The following ATP9A variants were observed in gnomAD, a reference collection of about 807,000 sequenced individuals.
ATP9A encodes ATPase phospholipid transporting 9A.
Under a neutral mutation model 144.1 loss-of-function variants are expected in ATP9A, and 52 were observed. The observed-to-expected ratio is 0.36, with a 90% CI of 0.29 to 0.45. The LOEUF is 0.45. Among genes scored for constraint, ATP9A ranks in the 20% least tolerant of loss-of-function variants. The pLI is 1.00. For missense variants in ATP9A, 947 were observed against 1,392.7 expected (o/e 0.68, Z 5.09); for synonymous variants, 582 against 557.4 (o/e 1.04, Z -0.62).
chr20:51,635,758 GAAGAGAAAAGAA>G (rs1162163447), intron 15 of ATP9A, among the ~76,000 whole-genome samples: 1 of 124,842 alleles, frequency 8.0e-6, no homozygotes, highest in Non-Finnish European at 1.8e-5. Context: ...AGGAAAAAGA[GAAGAGAAAAGAA>G]AAGAGAAAAG....
intron 1 of ATP9A, among the ~76,000 whole-genome samples, chr20:51,732,106 T>G (rs528820656): frequency 6.6e-6 from 1 of 152,106 alleles, no homozygotes; most frequent in South Asian, 2.1e-4. Flanking sequence ...CACTCCCAGG[T>G]CACCCTCCCA....
intron 1 of ATP9A, among the ~76,000 whole-genome samples, chr20:51,750,946 G>A (rs1292435599): frequency 6.6e-6 from 1 of 152,198 alleles, no homozygotes; most frequent in African/African-American, 2.4e-5. Flanking sequence ...GCACTGCTAT[G>A]GGAGCGTCCA....
In ATP9A at chr20:51,746,482, T is replaced by C. The variant is rs189863284; in HGVS notation, c.69-16504A>G. ...GGGAAGCCGAGGCAGGCGGATCACC[T>C]GAGGTCAGGAGTTCAGGACCAGCCT... On this transcript the variant is annotated intron_variant, in intron 1 of 27. Coordinates refer to ENST00000338821, the MANE Select transcript of ATP9A (RefSeq NM_006045.3). Among the ~76,000 whole-genome samples the C allele has an allele frequency of 6.8e-4, 103 of 150,730 alleles. No individual in the cohort carries two copies. In the Middle Eastern group the frequency reaches 0.021, roughly 30 times the overall value.
intron 1 of ATP9A, among the ~76,000 whole-genome samples, chr20:51,758,668 T>C (rs1280072046): frequency 6.6e-6 from 1 of 152,130 alleles, no homozygotes; most frequent in Non-Finnish European, 1.5e-5. Context: ...GGCTTATGCT[T>C]GTAATCCCAG....
chr20:51,696,250 A>AG, intron 5 of ATP9A, 106 bp from the exon 6 acceptor site: 3 of 862,602 alleles, frequency 3.5e-6, no homozygotes, highest in Non-Finnish European at 5.6e-6. Context: ...GGGTTGGGGC[A>AG]GGGGGGACTG....
At chr20:51,700,839 G>C (rs966732503) in intron 4 of ATP9A, among the ~76,000 whole-genome samples, 1 of 152,116 alleles carries the variant, frequency 6.6e-6, no homozygotes, top group African/African-American at 2.4e-5. Flanking sequence ...TCAAAAAATA[G>C]AAAACAGAGA....
At chr20:51,626,817 G>T (rs2077250902) in intron 17 of ATP9A, among the ~76,000 whole-genome samples, 3 of 152,042 alleles carry the variant, frequency 2.0e-5, no homozygotes, top group African/African-American at 7.2e-5. Flanking sequence ...TGCACTTTGG[G>T]AGGCCAAGGC....
intron 14 of ATP9A, among the ~76,000 whole-genome samples, chr20:51,648,588 T>C (rs1454610364): frequency 6.6e-6 from 1 of 152,168 alleles, no homozygotes; most frequent in African/African-American, 2.4e-5. Flanking sequence ...TCCAGCACTC[T>C]GGGAGGCTGA....
At position 51,642,726 on chromosome 20, in the gene ATP9A, C is replaced by CAAAAAAAAA. The variant is rs778440862; in HGVS notation, c.1507-3231_1507-3223dup. On this transcript the variant is annotated intron_variant, in intron 14 of 27. Transcript: ENST00000338821. ...GGGTGACTGAGTGAGACTCTGTCTC[C>CAAAAAAAAA]AAAAAAAAAAAAAAAAAAAAAAAAA... 1.5e-3 allele frequency among the ~76,000 whole-genome samples: 48 copies of CAAAAAAAAA among 31,138 alleles called. 4 individuals carry two copies. Among genetic ancestry groups the CAAAAAAAAA allele is most frequent in the African/African-American group, 1.9e-3 (21 of 11,180 alleles). 20.4% of individuals were successfully genotyped at this position (31,138 alleles called of 152,430 possible).
chr20:51,634,584 T>C (rs1391346484), intron 15 of ATP9A, among the ~76,000 whole-genome samples: 1 of 152,010 alleles, frequency 6.6e-6, no homozygotes, highest in Non-Finnish European at 1.5e-5. Flanking sequence ...GGGCCGAGCG[T>C]GGCGGCTCAC....
intron 22 of ATP9A, among the ~76,000 whole-genome samples, chr20:51,617,044 C>T (rs1280252810): frequency 2.0e-5 from 3 of 150,618 alleles, no homozygotes; most frequent in Non-Finnish European, 2.9e-5. Flanking sequence ...CGGGTTCAGG[C>T]GATTCTCCTA....
In ATP9A at chr20:51,617,475, G is replaced by C; in HGVS notation, c.2415+15C>G. ...ACTACAGCAAGTGGAGCCGAGCAGA[G>C]GGAAACACTCTCACCTTTCCTTCCA... On this transcript the variant is annotated intron_variant, in intron 22 of 27. Coordinates refer to ENST00000338821, the MANE Select transcript of ATP9A (RefSeq NM_006045.3). 6.2e-7 allele frequency: 1 copy of C among 1,606,156 alleles called. No homozygotes were observed. Among genetic ancestry groups the C allele is most frequent in the South Asian group, 1.1e-5 (1 of 89,254 alleles).
rs141106227 is a variant in ATP9A, at chr20:51,635,529, G to A, written c.1668+3814C>T. On this transcript the variant is annotated intron_variant, in intron 15 of 27. Transcript: ENST00000338821. The stretch of plus-strand genomic sequence containing the variant: ...GAGATGGGAGGATCATTTGAGCCCA[G>A]GAGTTTGAGATCAGCCTGGGCAATA... Among the ~76,000 whole-genome samples, 1,047 of 152,112 alleles carry A rather than the reference G, an allele frequency of 6.9e-3. 11 individuals are homozygous for A. Among genetic ancestry groups the A allele is most frequent in the African/African-American group, 0.024 (998 of 41,496 alleles).
chr20:51,609,341 C>G (rs957399769), intron 24 of ATP9A, among the ~76,000 whole-genome samples: 13 of 152,172 alleles, frequency 8.5e-5, no homozygotes, highest in African/African-American at 3.1e-4. Context: ...TCAGGCTGAA[C>G]TCATCAGCCA....
intron 7 of ATP9A, among the ~76,000 whole-genome samples, chr20:51,693,049 G>C (rs2077554975): frequency 6.6e-6 from 1 of 152,150 alleles, no homozygotes; most frequent in African/African-American, 2.4e-5. Flanking sequence ...CCACAGTGGG[G>C]CATGCCACTC....
intron 14 of ATP9A, among the ~76,000 whole-genome samples, chr20:51,642,759 A>C (rs1386923684): frequency 5.0e-5 from 7 of 140,064 alleles, no homozygotes; most frequent in Non-Finnish European, 3.1e-5. Flanking sequence ...AAAAAAAAAA[A>C]AAAAACCTGG....
intron 9 of ATP9A, among the ~76,000 whole-genome samples, chr20:51,677,292 C>T (rs145308393): frequency 1.3e-5 from 2 of 152,092 alleles, no homozygotes; most frequent in Non-Finnish European, 2.9e-5. Context: ...CAATGATCTG[C>T]GGCTACACTG....
chr20:51,696,332 G>T (rs1555837794), intron 5 of ATP9A, among the ~76,000 whole-genome samples, 188 bp from the exon 6 acceptor site: 1 of 152,164 alleles, frequency 6.6e-6, no homozygotes, highest in Non-Finnish European at 1.5e-5. Context: ...TTTTGAATCT[G>T]AAAAATCTTG....
At chr20:51,675,234 C>T (rs545720941) in intron 10 of ATP9A, among the ~76,000 whole-genome samples, 1 of 152,242 alleles carries the variant, frequency 6.6e-6, no homozygotes, top group South Asian at 2.1e-4. Context: ...ATTAAACAAA[C>T]GATTTTATAG....
Sources: gnomAD v4.1 joint callset for allele counts (sites outside exome capture counted in the v4.1 genomes callset) on GRCh38, gnomAD v4.1.1 for gene constraint, MANE v1.5 for transcripts, NCBI Gene and HGNC (gene_info 2026-07-23, HGNC 2026-07-21) for gene names.